The following PRKD1 variants were observed in gnomAD, a reference collection of about 807,000 sequenced individuals.
The protein encoded by PRKD1 is protein kinase D1, also known as serine/threonine-protein kinase D1.
Under a neutral mutation model 95.9 loss-of-function variants are expected in PRKD1, and 63 were observed. The ratio of observed to expected loss-of-function variants is 0.66; its 90% confidence interval spans 0.54 to 0.81. The LOEUF is 0.81. Among genes scored for constraint, PRKD1 ranks in the 30% least tolerant of loss-of-function variants. PRKD1 has a pLI of 0.00. For synonymous variants in PRKD1, 425 were observed against 423.1 expected, an observed-to-expected ratio of 1.00 and a Z score of -0.05; for missense variants, 1,048 against 1,165.3, an observed-to-expected ratio of 0.90 and a Z score of 1.47.
chr14:29,608,084 C>T (rs1042877421), intron 13 of PRKD1, among the ~76,000 whole-genome samples: 5 of 152,036 alleles, frequency 3.3e-5, no homozygotes, highest in African/African-American at 1.2e-4. Flanking sequence ...GTAAAGTGAA[C>T]GCTATAAAGA....
intron 16 of PRKD1, among the ~76,000 whole-genome samples, chr14:29,593,055 G>A (rs1440883928): frequency 1.3e-5 from 2 of 151,998 alleles, no homozygotes; most frequent in Non-Finnish European, 2.9e-5. Context: ...AACCATCTAT[G>A]CCTGCATTAC....
intron 1 of PRKD1, among the ~76,000 whole-genome samples, chr14:29,830,485 G>A (rs770773661): frequency 3.2e-4 from 48 of 152,016 alleles, no homozygotes; most frequent in Admixed American, 1.4e-3. Flanking sequence ...GATGTACTCT[G>A]TATTTCCTCA....
In PRKD1 at chr14:29,927,582, A is replaced by G; in HGVS notation, c.-70T>C. On this transcript the variant is annotated 5_prime_UTR_variant, in exon 1 of 18. Coordinates refer to ENST00000331968, the MANE Select transcript of PRKD1 (RefSeq NM_002742.3). ...CGGCGCGGCAGCAGGAAAGTTTTGCAGCCGCTGAGCCAGGAGCTTCTTTCT... is the reference window on the plus strand; with the variant it reads ...CGGCGCGGCAGCAGGAAAGTTTTGCGGCCGCTGAGCCAGGAGCTTCTTTCT... The G allele has an allele frequency of 1.9e-6, 2 of 1,077,760 alleles. No homozygotes were observed. The highest frequency in any genetic ancestry group is 2.3e-6 in the Non-Finnish European group (2 of 883,828). 66.8% of individuals were successfully genotyped at this position (1,077,760 alleles called of 1,614,324 possible). A position where few individuals can be genotyped will look rare whatever the true frequency, so the allele number is the denominator to read the frequency against.
At chr14:29,692,806 A>G (rs1884310888) in intron 2 of PRKD1, among the ~76,000 whole-genome samples, 1 of 152,198 alleles carries the variant, frequency 6.6e-6, no homozygotes, top group Non-Finnish European at 1.5e-5. Flanking sequence ...GGACTGATAA[A>G]TAAAAATTTT....
rs551399440 is a variant in PRKD1, at chr14:29,702,444, T to C, written c.403+23092A>G. Reference sequence around the variant, plus strand: ...AATTCTTTCTCACTTCCCTGTTATATGAGGTACTTGATACAGGTTAAGAAA... The same window carrying C: ...AATTCTTTCTCACTTCCCTGTTATACGAGGTACTTGATACAGGTTAAGAAA... On this transcript the variant is annotated intron_variant, in intron 2 of 17. Transcript: ENST00000331968. Among the ~76,000 whole-genome samples the C allele has an allele frequency of 3.3e-5, 5 of 152,196 alleles. No individual in the cohort carries two copies. In the South Asian group the frequency reaches 1.0e-3, roughly 32 times the overall value.
intron 1 of PRKD1, among the ~76,000 whole-genome samples, chr14:29,905,894 C>G (rs1037186357): frequency 6.6e-6 from 1 of 152,128 alleles, no homozygotes; most frequent in Admixed American, 6.5e-5. Flanking sequence ...GCTTATAACT[C>G]TCGAGAAAGT....
At chr14:29,580,367 G>A (rs746701561) in intron 16 of PRKD1, among the ~76,000 whole-genome samples, 4 of 152,144 alleles carry the variant, frequency 2.6e-5, no homozygotes, top group South Asian at 4.1e-4. Flanking sequence ...CAAGTGACCT[G>A]AGTAAGCACA....
intron 13 of PRKD1, among the ~76,000 whole-genome samples, chr14:29,619,030 A>G (rs1336667257): frequency 6.6e-6 from 1 of 152,236 alleles, no homozygotes; most frequent in East Asian, 1.9e-4. Flanking sequence ...ACCAGCTTCT[A>G]TAAGCTAGAG....
At chr14:29,583,863 T>C (rs977506421) in intron 16 of PRKD1, among the ~76,000 whole-genome samples, 7 of 152,212 alleles carry the variant, frequency 4.6e-5, no homozygotes, top group Non-Finnish European at 1.0e-4. Flanking sequence ...ATGTTTCTTT[T>C]GCTACAATAA....
At chr14:29,747,846 C>T (rs1169776420) in intron 1 of PRKD1, among the ~76,000 whole-genome samples, 1 of 152,078 alleles carries the variant, frequency 6.6e-6, no homozygotes, top group Non-Finnish European at 1.5e-5. Flanking sequence ...TGAACTCAAG[C>T]GATTCTCATG....
intron 1 of PRKD1, among the ~76,000 whole-genome samples, chr14:29,852,436 A>C (rs1273486291): frequency 6.6e-6 from 1 of 152,064 alleles, no homozygotes; most frequent in African/African-American, 2.4e-5. Context: ...TTCTGAGGAA[A>C]GGAAAGAGAA....
chr14:29,601,519 C>A (rs1346823938), intron 13 of PRKD1, among the ~76,000 whole-genome samples: 1 of 152,192 alleles, frequency 6.6e-6, no homozygotes, highest in Admixed American at 6.5e-5. Flanking sequence ...GTTAACTGGT[C>A]AAGTCTGGCA....
At chr14:29,826,441 T>A (rs182001770) in intron 1 of PRKD1, among the ~76,000 whole-genome samples, 1 of 78,764 alleles carries the variant, frequency 1.3e-5, no homozygotes, top group Non-Finnish European at 2.3e-5. Context: ...ATGGAATATA[T>A]ATATACATAT....
Position 29,661,035 on chromosome 14 carries a change from C to A in PRKD1, c.696+2664G>T, listed in dbSNP as rs566650581. 5.2e-3 allele frequency among the ~76,000 whole-genome samples: 793 copies of A among 152,122 alleles called. 3 individuals are homozygous for A. Among genetic ancestry groups the A allele is most frequent in the Non-Finnish European group, 8.5e-3 (580 of 67,988 alleles). On this transcript the variant is annotated intron_variant, in intron 4 of 17. Transcript: ENST00000331968. The stretch of plus-strand genomic sequence containing the variant: ...GATAGTTTACTGCCAAAGTTGATGA[C>A]AGTTGAAGTTTGTCATGTGATCTAT...
At chr14:29,885,790 A>C (rs992052009) in intron 1 of PRKD1, among the ~76,000 whole-genome samples, 1 of 132,722 alleles carries the variant, frequency 7.5e-6, no homozygotes, top group Non-Finnish European at 1.6e-5. Flanking sequence ...AACATGGTGA[A>C]ACCCCATCTT....
intron 1 of PRKD1, among the ~76,000 whole-genome samples, chr14:29,847,801 A>G (rs1351114191): frequency 6.6e-6 from 1 of 152,132 alleles, no homozygotes. Context: ...ATTGTAGCCA[A>G]TCCATAGATC....
At chr14:29,901,587 A>T (rs1296452537) in intron 1 of PRKD1, among the ~76,000 whole-genome samples, 1 of 152,156 alleles carries the variant, frequency 6.6e-6, no homozygotes, top group African/African-American at 2.4e-5. Context: ...AAAATAAAAA[A>T]GATACAGCAT....
At chr14:29,887,118 C>T (rs1294433481) in intron 1 of PRKD1, among the ~76,000 whole-genome samples, 1 of 152,142 alleles carries the variant, frequency 6.6e-6, no homozygotes, top group Non-Finnish European at 1.5e-5. Context: ...ATTGTTTGTT[C>T]TTGCAAATGT....
At chr14:29,711,839 C>T (rs914164202) in intron 2 of PRKD1, among the ~76,000 whole-genome samples, 25 of 152,082 alleles carry the variant, frequency 1.6e-4, no homozygotes, top group African/African-American at 6.0e-4. Context: ...ACTTTTATTA[C>T]TTTTCATGCC....
Sources: allele counts gnomAD v4.1 joint callset (sites outside exome capture counted in the v4.1 genomes callset), GRCh38; gene constraint gnomAD v4.1.1; transcripts MANE v1.5; gene names NCBI Gene and HGNC (gene_info 2026-07-23, HGNC 2026-07-21).